GRID1: variants seen among roughly 807,000 people sequenced by gnomAD.
GRID1 encodes glutamate ionotropic receptor delta type subunit 1.
A neutral mutation model predicts 98.0 loss-of-function variants in GRID1; 28 were observed. That is an observed-to-expected ratio of 0.29 (90% confidence interval 0.21 to 0.39). The LOEUF (loss-of-function observed/expected upper bound fraction) is 0.39. GRID1 is among the 10% of genes least tolerant of loss of function. GRID1 has a pLI of 1.00. For missense variants in GRID1, 1,111 were observed against 1,340.5 expected (o/e 0.83, Z 2.67); for synonymous variants, 553 against 538.5 (o/e 1.03, Z -0.37).
In GRID1 at chr10:85,951,806, C is replaced by T. The variant is rs191847814; in HGVS notation, c.727-35567G>A. Reference sequence around the variant, plus strand: ...ACAACCTTCCCTGGAGTAATCAAAGCCCAGAGGTGCCCACAGGGCCCTGTT... The same window carrying T: ...ACAACCTTCCCTGGAGTAATCAAAGTCCAGAGGTGCCCACAGGGCCCTGTT... On this transcript the variant is annotated intron_variant, in intron 4 of 15. Transcript: ENST00000327946. Among the ~76,000 whole-genome samples the T allele has an allele frequency of 3.9e-5, 6 of 152,266 alleles. No homozygotes were observed. The South Asian group carries it at 8.3e-4, about 21-fold the overall frequency.
At chr10:86,194,257 C>T (rs1289130353) in intron 3 of GRID1, among the ~76,000 whole-genome samples, 1 of 152,102 alleles carries the variant, frequency 6.6e-6, no homozygotes, top group African/African-American at 2.4e-5. Flanking sequence ...GCACTACAGC[C>T]CTGTGTGACG....
chr10:85,757,569 G>A (rs184219454), intron 8 of GRID1, among the ~76,000 whole-genome samples: 1 of 152,246 alleles, frequency 6.6e-6, no homozygotes, highest in African/African-American at 2.4e-5. Flanking sequence ...TTAAGGGAAA[G>A]TGGGAAGAAG....
intron 4 of GRID1, among the ~76,000 whole-genome samples, chr10:86,040,885 AT>A (rs201969274): frequency 6.0e-4 from 91 of 151,798 alleles, no homozygotes; most frequent in Middle Eastern, 3.4e-3. Context: ...TTATGTGTCA[AT>A]TTTTTTTTAA....
chr10:86,177,056 G>A (rs764878057), intron 3 of GRID1, among the ~76,000 whole-genome samples: 1 of 151,898 alleles, frequency 6.6e-6, no homozygotes, highest in Non-Finnish European at 1.5e-5. Context: ...CCGTATCACT[G>A]TCTGGTGCCC....
chr10:85,908,111 T>C (rs921159042), intron 5 of GRID1, among the ~76,000 whole-genome samples: 1 of 152,098 alleles, frequency 6.6e-6, no homozygotes, highest in African/African-American at 2.4e-5. Flanking sequence ...CCCTCTAATA[T>C]CAGGAATACG....
At chr10:85,819,420 A>G (rs1842742695) in intron 8 of GRID1, among the ~76,000 whole-genome samples, 1 of 152,200 alleles carries the variant, frequency 6.6e-6, no homozygotes, top group South Asian at 2.1e-4. Flanking sequence ...CATGATCTGG[A>G]CTTAGTAACT....
intron 4 of GRID1, among the ~76,000 whole-genome samples, chr10:86,068,080 C>G (rs906944437): frequency 6.6e-5 from 10 of 152,216 alleles, no homozygotes; most frequent in African/African-American, 9.6e-5. Flanking sequence ...TTTCCATTCA[C>G]TATTTCACTA....
At chr10:85,753,571 C>T (rs1008839865) in intron 8 of GRID1, among the ~76,000 whole-genome samples, 16 of 152,226 alleles carry the variant, frequency 1.1e-4, no homozygotes, top group Admixed American at 9.8e-4. Flanking sequence ...TGAGATATCC[C>T]ATTGCTGGGG....
chr10:86,042,398 G>A (rs1385681582), intron 4 of GRID1, among the ~76,000 whole-genome samples: 4 of 152,174 alleles, frequency 2.6e-5, no homozygotes, highest in Non-Finnish European at 5.9e-5. Context: ...CACAGTGTGG[G>A]CCACAGTACC....
At chr10:86,242,340 G>A (rs1346444841) in intron 2 of GRID1, among the ~76,000 whole-genome samples, 1 of 152,182 alleles carries the variant, frequency 6.6e-6, no homozygotes, top group Non-Finnish European at 1.5e-5. Flanking sequence ...TGCTGATGAG[G>A]GTATGGAGGA....
At chr10:86,007,306 C>T (rs1216855082) in intron 4 of GRID1, among the ~76,000 whole-genome samples, 1 of 152,204 alleles carries the variant, frequency 6.6e-6, no homozygotes, top group Non-Finnish European at 1.5e-5. Flanking sequence ...CTCCCACCCC[C>T]CACTGACACT....
At chr10:86,333,673 A>G (rs1236089722) in intron 2 of GRID1, among the ~76,000 whole-genome samples, 1 of 152,214 alleles carries the variant, frequency 6.6e-6, no homozygotes, top group Non-Finnish European at 1.5e-5. Context: ...CTATTAACAC[A>G]TATTTGTGCA....
rs151005800 is a variant in GRID1 at position 85,707,624 on chromosome 10, A to C, written c.1997+15379T>G. On this transcript the variant is annotated intron_variant, in intron 12 of 15. Transcript: ENST00000327946. ...TATCCCATTACTGGGTATATACCCA[A>C]AGGATTATAAATCATGCTGCTACAA... Among the ~76,000 whole-genome samples, 1,350 of 152,332 alleles carry C rather than the reference A, an allele frequency of 8.9e-3. 58 individuals carry two copies. In the East Asian group the frequency reaches 0.13, roughly 15 times the overall value.
chr10:85,656,137 C>G (rs1311109659), intron 12 of GRID1, among the ~76,000 whole-genome samples: 2 of 152,182 alleles, frequency 1.3e-5, no homozygotes, highest in Non-Finnish European at 1.5e-5. Context: ...CTCTGCTGAT[C>G]TGAAACAACT....
At chr10:86,218,890 G>C (rs1188947117) in intron 2 of GRID1, among the ~76,000 whole-genome samples, 2 of 152,234 alleles carry the variant, frequency 1.3e-5, no homozygotes, top group Non-Finnish European at 2.9e-5. Flanking sequence ...CCCAGCTCTG[G>C]ATGCCTTGGA....
At chr10:85,931,288 A>G (rs1390933759) in intron 4 of GRID1, among the ~76,000 whole-genome samples, 1 of 149,348 alleles carries the variant, frequency 6.7e-6, no homozygotes, top group Non-Finnish European at 1.5e-5. Flanking sequence ...TGTTCTTTTC[A>G]TCTACTTTGA....
rs185382479 is a variant in GRID1, at chr10:85,854,389, T to A, written c.1233+107A>T. 5.9e-4 allele frequency: 565 copies of A among 963,782 alleles called. 2 individuals are homozygous for A. The African/African-American group carries it at 7.8e-3, about 13-fold the overall frequency. 59.7% of individuals were successfully genotyped at this position (963,782 alleles called of 1,614,324 possible). A position where few individuals can be genotyped will look rare whatever the true frequency, so the allele number is the denominator to read the frequency against. Reference sequence around the variant, plus strand: ...AGCAGAGAGAGACTAGGAGGGAGGATATCTGTGCTAGTTAACAGTTGCTGG... The same window carrying A: ...AGCAGAGAGAGACTAGGAGGGAGGAAATCTGTGCTAGTTAACAGTTGCTGG... On this transcript the variant is annotated intron_variant, in intron 8 of 15. Coordinates refer to ENST00000327946, the MANE Select transcript of GRID1 (RefSeq NM_017551.3).
intron 5 of GRID1, among the ~76,000 whole-genome samples, chr10:85,876,487 T>A (rs1284242723): frequency 6.6e-6 from 1 of 152,182 alleles, no homozygotes; most frequent in Non-Finnish European, 1.5e-5. Context: ...CATCTCAAGA[T>A]CATTAACTTC....
At chr10:86,049,731 A>G (rs1843474620) in intron 4 of GRID1, among the ~76,000 whole-genome samples, 2 of 152,204 alleles carry the variant, frequency 1.3e-5, no homozygotes, top group Non-Finnish European at 2.9e-5. Flanking sequence ...AGATTCATCC[A>G]TGATTCTTAC....
Sources: gnomAD v4.1 joint callset for allele counts (sites outside exome capture counted in the v4.1 genomes callset) on GRCh38, gnomAD v4.1.1 for gene constraint, MANE v1.5 for transcripts, NCBI Gene and HGNC (gene_info 2026-07-23, HGNC 2026-07-21) for gene names.